The following SORBS2 variants were observed in gnomAD, a reference collection of about 807,000 sequenced individuals.
The protein encoded by SORBS2 is sorbin and SH3 domain containing 2.
Under a neutral mutation model 97.7 loss-of-function variants are expected in SORBS2, and 46 were observed. That is an observed-to-expected ratio of 0.47 (90% confidence interval 0.37 to 0.60). The LOEUF (loss-of-function observed/expected upper bound fraction) is 0.60, where lower values mean the gene tolerates loss of function less well. Ranked by LOEUF, SORBS2 falls within the 20% of genes least tolerant of loss-of-function variation. The probability of loss-of-function intolerance (pLI) is 0.00; values close to 1 mark genes in which losing one functional copy is unlikely to be tolerated. For synonymous variants in SORBS2, 476 were observed against 473.4 expected, an observed-to-expected ratio of 1.01 and a Z score of -0.07; for missense variants, 1,316 against 1,282.3, an observed-to-expected ratio of 1.03 and a Z score of -0.40.
At chr4:185,774,747 A>G (rs879250788) in intron 2 of SORBS2, 1 of 152,170 alleles carries the variant, frequency 6.6e-6, no homozygotes, top group Non-Finnish European at 1.5e-5. Flanking sequence ...ATTCCACACG[A>G]GCAATGAACG....
chr4:185,903,766 A>G (rs2149839222), intron 1 of SORBS2, among the ~76,000 whole-genome samples: 1 of 152,348 alleles, frequency 6.6e-6, no homozygotes, highest in East Asian at 1.9e-4. Context: ...TTCAGATTGC[A>G]CGATAACCTT....
chr4:185,638,120 G>T (rs754666972), intron 4 of SORBS2: 1 of 1,611,606 alleles, frequency 6.2e-7, no homozygotes, highest in African/African-American at 1.3e-5. Context: ...TTATACCAGG[G>T]CTCATTTTCT....
intron 1 of SORBS2, among the ~76,000 whole-genome samples, chr4:185,888,031 G>T (rs1378312378): frequency 3.3e-5 from 5 of 149,270 alleles, no homozygotes; most frequent in African/African-American, 1.3e-4. Flanking sequence ...ATTATTGGAA[G>T]CATAAACTGT....
chr4:185,846,777 T>G (rs1045790934), intron 1 of SORBS2, among the ~76,000 whole-genome samples: 1 of 152,144 alleles, frequency 6.6e-6, no homozygotes, highest in Non-Finnish European at 1.5e-5. Flanking sequence ...TCTTTCCCCC[T>G]AGGCTTGTAA....
intron 1 of SORBS2, among the ~76,000 whole-genome samples, chr4:185,926,475 A>G (rs1254777758): frequency 6.6e-6 from 1 of 151,920 alleles, no homozygotes; most frequent in African/African-American, 2.4e-5. Context: ...AAACACTCAT[A>G]TATAAATGAT....
At position 185,623,515 on chromosome 4, in the gene SORBS2, G is replaced by T. The variant is rs1161117818; in HGVS notation, c.1614C>A (p.Ser538Arg). 3.1e-6 allele frequency: 5 copies of T among 1,614,002 alleles called. No homozygotes were observed. The highest frequency in any genetic ancestry group is 4.2e-6 in the Non-Finnish European group (5 of 1,179,992). The change falls in exon 7 of 15, where the codon AGC becomes AGA. Residue 538 changes from serine (S) to arginine (R), a missense_variant. By Grantham distance (110) the Ser-to-Arg change is moderately radical. Coordinates refer to ENST00000418609, the Ensembl canonical transcript of SORBS2. This position sits in a 1 kb window ranked among gnomAD's most constrained non-coding sequence, Gnocchi z 6.4. ...GGTGGTGGTGGCTGGATCCGTAAAA[G>T]CTTTCGGAGGATGTGAAGGAAAAGT...
At chr4:185,939,721 G>C (rs767067216) in intron 1 of SORBS2, among the ~76,000 whole-genome samples, 1 of 152,000 alleles carries the variant, frequency 6.6e-6, no homozygotes, top group Non-Finnish European at 1.5e-5. Flanking sequence ...AGTTGGTCAG[G>C]CTGGTCTCGA....
chr4:185,945,020 T>C (rs1310071658), intron 1 of SORBS2, among the ~76,000 whole-genome samples: 1 of 152,246 alleles, frequency 6.6e-6, no homozygotes. Flanking sequence ...ATGAGTGCTC[T>C]AGGAACTTTT....
chr4:185,656,584 C>T (rs1440130337), intron 1 of SORBS2: 17 of 1,465,082 alleles, frequency 1.2e-5, no homozygotes, highest in Non-Finnish European at 1.5e-5. Flanking sequence ...TATGCAGCTG[C>T]AGTCCCTCCC....
chr4:185,874,909 A>G (rs1395367226), intron 1 of SORBS2, among the ~76,000 whole-genome samples: 1 of 144,950 alleles, frequency 6.9e-6, no homozygotes, highest in Non-Finnish European at 1.5e-5. Context: ...ACAATGCTTC[A>G]CATATGTGAA....
intron 5 of SORBS2, among the ~76,000 whole-genome samples, chr4:185,627,434 T>C (rs899198625): frequency 2.0e-5 from 3 of 152,160 alleles, no homozygotes; most frequent in Non-Finnish European, 4.4e-5. Context: ...CCCAGGCTGG[T>C]CTCAAACCCC....
At chr4:185,647,402 A>G (rs1484572098) in intron 3 of SORBS2, among the ~76,000 whole-genome samples, 1 of 150,002 alleles carries the variant, frequency 6.7e-6, no homozygotes, top group African/African-American at 2.5e-5. Flanking sequence ...TGAGCTAAAG[A>G]AGAAGGCTTC....
At chr4:185,788,947 C>T (rs2099068428) in intron 1 of SORBS2, among the ~76,000 whole-genome samples, 1 of 152,176 alleles carries the variant, frequency 6.6e-6, no homozygotes, top group Non-Finnish European at 1.5e-5. Context: ...GTACCACCTT[C>T]TATTTTCGGT....
rs114477181 is a variant in SORBS2, at chr4:185,606,034, G to T, written c.2796+5746C>A. On this transcript the variant is annotated intron_variant, in intron 12 of 14. Coordinates refer to ENST00000418609, the Ensembl canonical transcript of SORBS2. This position sits in a 1 kb window ranked among gnomAD's most constrained non-coding sequence, Gnocchi z 4.3. ...AAGAGAACGACCTCTTTAGAAAATC[G>T]AAAGGGGACAGAAGTGCTGTTTTTC... 1 of 946,862 alleles carries T rather than the reference G, an allele frequency of 1.1e-6. No individual in the cohort carries two copies. The highest frequency in any genetic ancestry group is 1.8e-5 in the African/African-American group (1 of 56,378). 58.7% of individuals were successfully genotyped at this position (946,862 alleles called of 1,614,324 possible).
At chr4:185,650,371 C>T (rs997760101) in intron 2 of SORBS2, among the ~76,000 whole-genome samples, 1 of 151,952 alleles carries the variant, frequency 6.6e-6, no homozygotes, top group Non-Finnish European at 1.5e-5. Context: ...GTGAGCAGGG[C>T]AAGAGGGGAG....
chr4:185,601,445 G>C (rs1156760356), intron 12 of SORBS2, among the ~76,000 whole-genome samples: 1 of 151,722 alleles, frequency 6.6e-6, no homozygotes. Context: ...GGAACTACTC[G>C]AGCTGCCACC....
rs114484163 is a variant in SORBS2, at chr4:185,642,931, G to A, written c.396+3737C>T. Among the ~76,000 whole-genome samples, 1,455 of 152,322 alleles carry A rather than the reference G, an allele frequency of 9.6e-3. 28 individuals are homozygous for A. Among genetic ancestry groups the A allele is most frequent in the African/African-American group, 0.033 (1,357 of 41,576 alleles). On this transcript the variant is annotated intron_variant, in intron 4 of 14. Coordinates refer to ENST00000418609, the Ensembl canonical transcript of SORBS2. ...GCTTCATGGATAAACAACAGAACAAGGATTCAGTCCCTCACCAACTTTTTC... is the reference window on the plus strand; with the variant it reads ...GCTTCATGGATAAACAACAGAACAAAGATTCAGTCCCTCACCAACTTTTTC...
intron 1 of SORBS2, among the ~76,000 whole-genome samples, chr4:185,951,963 C>T (rs1204269466): frequency 1.3e-5 from 2 of 151,956 alleles, no homozygotes; most frequent in African/African-American, 4.8e-5. Flanking sequence ...GTAAAGGAAA[C>T]AAACAACCCC....
At chr4:185,721,079 C>A (rs6824547) in intron 2 of SORBS2, among the ~76,000 whole-genome samples, 7,659 of 103,532 alleles carry the variant, frequency 0.074, 410 homozygotes, top group East Asian at 0.26. Context: ...GCTTTCCCAC[C>A]TATTCTTTTT....
Sources: gnomAD v4.1 joint callset for allele counts (sites outside exome capture counted in the v4.1 genomes callset) on GRCh38, gnomAD v4.1.1 for gene constraint, Gnocchi (gnomAD v3.1) non-coding constraint, MANE v1.5 for transcripts, NCBI Gene and HGNC (gene_info 2026-07-23, HGNC 2026-07-21) for gene names.